TTN: variants seen among roughly 807,000 people sequenced by gnomAD.
The protein encoded by TTN is connectin.
Under a neutral mutation model 3,223.0 loss-of-function variants are expected in TTN, and 1,525 were observed. The observed-to-expected ratio is 0.47, with a 90% CI of 0.45 to 0.49. The LOEUF (loss-of-function observed/expected upper bound fraction) is 0.49. Ranked by LOEUF, TTN falls within the 20% of genes least tolerant of loss-of-function variation. TTN has a pLI of 0.00. For missense variants in TTN, 40,786 were observed against 43,424.0 expected (o/e 0.94, Z 5.40); for synonymous variants, 14,094 against 15,161.0 (o/e 0.93, Z 5.17).
chr2:178,751,757 A>G, intron 47 of TTN: 1 of 1,613,210 alleles, frequency 6.2e-7, no homozygotes, highest in African/African-American at 1.3e-5. Context: ...AATCCGACGA[A>G]GACCTGTTGG....
chr2:178,702,662 A>C lies in TTN; in HGVS notation c.30225T>G (p.Ala10075=). ...TGCGCTTTGTAAACTGAATTGGTTCAGCTGTTTAAGTACAAAGAGGGTTCA... is the reference window on the plus strand; with the variant it reads ...TGCGCTTTGTAAACTGAATTGGTTCCGCTGTTTAAGTACAAAGAGGGTTCA... The part of the protein sequence containing the change: ...LETSAELRIE[A]EPIQFTKRIQ... The change falls in exon 107 of 363, where the codon GCT becomes GCG. Residue 10075 remains alanine, a splice_region_variant and synonymous_variant. Transcript: ENST00000589042. The C allele has an allele frequency of 6.2e-7, 1 of 1,612,106 alleles. No individual in the cohort carries two copies. Among genetic ancestry groups the C allele is most frequent in the Non-Finnish European group, 8.5e-7 (1 of 1,178,348 alleles).
Position 178,568,407 on chromosome 2 carries a change from T to G in TTN, c.77725A>C (p.Thr25909Pro). ...KFDDVSAESI[T>P]LSWNPPLYTG... is the part of the protein sequence containing the mutation. ...TATAATGGAGGGTTCCAAGATAATG[T>G]AATACTTTCAGCACTGACGTCATCA... The change falls in exon 326 of 363, where the codon ACA becomes CCA. Residue 25909 changes from threonine (T) to proline (P), a missense_variant. By Grantham distance (38) the Thr-to-Pro change is conservative. Transcript: ENST00000589042. 2 of 1,613,188 alleles carry G rather than the reference T, an allele frequency of 1.2e-6. No homozygotes were observed. Among genetic ancestry groups the G allele is most frequent in the Non-Finnish European group, 1.7e-6 (2 of 1,179,534 alleles).
Position 178,595,374 on chromosome 2 carries a change from A to G in TTN, c.57847+133T>C, listed in dbSNP as rs966315665. On this transcript the variant is annotated intron_variant, in intron 295 of 362. Coordinates refer to ENST00000589042, the MANE Select transcript of TTN (RefSeq NM_001267550.2). Reference sequence around the variant, plus strand: ...CTGTCCAAATACTACCAAATCAGATACTGAGTAGTTGTGTGATAACTGCTT... The same window carrying G: ...CTGTCCAAATACTACCAAATCAGATGCTGAGTAGTTGTGTGATAACTGCTT... 5.2e-6 allele frequency: 4 copies of G among 773,482 alleles called. No homozygotes were observed. The African/African-American group carries it at 7.1e-5, about 14-fold the overall frequency. 47.9% of individuals were successfully genotyped at this position (773,482 alleles called of 1,614,324 possible).
rs1709593893 is a variant in TTN at position 178,575,145 on chromosome 2, G to C, written c.70987C>G (p.Pro23663Ala). 3.7e-6 allele frequency: 6 copies of C among 1,612,606 alleles called. No homozygotes were observed. Among genetic ancestry groups the C allele is most frequent in the African/African-American group, 2.7e-5 (2 of 74,862 alleles). ...TCTCCTTTTTTCCATGTCACTGTGG[G>C]CTTCGGTCGACCGAGCACTGGAATT... Reference protein sequence around the residue: ...VEIPVLGRPKPTVTWKKGDQI... With the variant: ...VEIPVLGRPKATVTWKKGDQI... Residue 23663 changes from proline (P) to alanine (A), a missense_variant, in exon 326 of 363, where the codon CCC (proline) becomes GCC (alanine). By Grantham distance (27) the Pro-to-Ala change is conservative. Coordinates refer to ENST00000589042, the MANE Select transcript of TTN (RefSeq NM_001267550.2). This position sits in a 1 kb window ranked among gnomAD's most constrained non-coding sequence, Gnocchi z 4.0.
Position 178,694,660 on chromosome 2 carries a change from C to T in TTN, c.31365G>A (p.Lys10455=), listed in dbSNP as rs762392446. The change falls in exon 117 of 363, where the codon AAG becomes AAA. Residue 10455 remains lysine (K), a synonymous_variant. Transcript: ENST00000589042. Reference sequence around the variant, plus strand: ...GGGAAGGTTTTTGTGGAACAATCTTCTTTGAAACTTCAGGTACTTTAAAAA... The same window carrying T: ...GGGAAGGTTTTTGTGGAACAATCTTTTTTGAAACTTCAGGTACTTTAAAAA... ...VQVTKVPEVS[K]KIVPQKPSRT... 23 of 1,554,126 alleles carry T rather than the reference C, an allele frequency of 1.5e-5. No individual in the cohort carries two copies. The highest frequency in any genetic ancestry group is 2.0e-5 in the Non-Finnish European group (23 of 1,148,122).
In TTN at chr2:178,593,317, C is replaced by G; in HGVS notation, c.58891G>C (p.Asp19631His). 1.2e-6 allele frequency: 2 copies of G among 1,613,300 alleles called. No individual in the cohort carries two copies. The highest frequency in any genetic ancestry group is 1.7e-6 in the Non-Finnish European group (2 of 1,179,548). ...MSKRWARVTK[D>H]PIHPYTKFRV... ...AATTTAGTGTATGGATGAATAGGAT[C>G]TTTGGTAACTCTAGCCCATCGTTTA... The change falls in exon 299 of 363, where the codon GAT becomes CAT. Residue 19631 changes from aspartate (D) to histidine (H), a missense_variant. Coordinates refer to ENST00000589042, the MANE Select transcript of TTN (RefSeq NM_001267550.2).
rs2062538175 is a variant in TTN at position 178,649,312 on chromosome 2, T to C, written c.39993A>G (p.Lys13331=). 1 of 1,469,702 alleles carries C rather than the reference T, an allele frequency of 6.8e-7. No individual in the cohort carries two copies. Among genetic ancestry groups the C allele is most frequent in the Non-Finnish European group, 8.9e-7 (1 of 1,118,530 alleles). 91.0% of individuals were successfully genotyped at this position (1,469,702 alleles called of 1,614,324 possible). A position where few individuals can be genotyped will look rare whatever the true frequency, so the allele number is the denominator to read the frequency against. Residue 13331 remains lysine, a synonymous_variant, in exon 213 of 363, where the codon AAA becomes AAG. Transcript: ENST00000589042. ...PAAKVPEVPK[K]LVPVKKEPVP... ...CAGGTTCTTTCTTTACTGGAACAAG[T>C]TTCTTGGGCACCTCAGGCACTTTGA...
intron 6 of TTN, 156 bp downstream of exon 6, chr2:178,799,331 G>A (rs779618526): frequency 7.6e-6 from 9 of 1,181,776 alleles, no homozygotes; most frequent in Non-Finnish European, 1.1e-5. Context: ...CAACCTGCCC[G>A]TTTGTATGCT....
At chr2:178,594,266 A>T in intron 296 of TTN, 24 bp from the exon 297 acceptor site, 2 of 1,598,964 alleles carry the variant, frequency 1.3e-6, no homozygotes, top group Non-Finnish European at 1.7e-6. Context: ...TTATAAAGGC[A>T]AGTCATTTTT....
rs373423993 is a variant in TTN, at chr2:178,608,679, A to C, written c.52332T>G (p.Arg17444=). ...KLIEGKEYLF[R]VRAENRFGPG... is the part of the protein sequence containing the mutation. The stretch of plus-strand genomic sequence containing the variant: ...GCCCAAATCTGTTTTCAGCTCTTAC[A>C]CGGAAGAGGTACTCTTTTCCTTCAA... The change falls in exon 274 of 363, where the codon CGT becomes CGG. Residue 17444 remains arginine, a synonymous_variant. Transcript: ENST00000589042. 17 of 1,612,076 alleles carry C rather than the reference A, an allele frequency of 1.1e-5. No homozygotes were observed. The highest frequency in any genetic ancestry group is 2.7e-5 in the African/African-American group (2 of 74,830).
rs1257617585 is a variant in TTN at position 178,771,313 on chromosome 2, G to C, written c.8014C>G (p.His2672Asp). 1 of 1,614,054 alleles carries C rather than the reference G, an allele frequency of 6.2e-7. No individual in the cohort carries two copies. Among genetic ancestry groups the C allele is most frequent in the Non-Finnish European group, 8.5e-7 (1 of 1,179,990 alleles). ...GCAGCAATGATAAGTCTCCTTTTGT[G>C]GCCATCAGACTCACTTCTGATGTTG... The part of the protein sequence containing the change: ...TNNIRSESDG[H>D]KRRLIIAATK... The change falls in exon 34 of 363, where the codon CAC (histidine) becomes GAC (aspartate). Residue 2672 changes from histidine (H) to aspartate (D), a missense_variant. His to Asp is a moderately conservative substitution (Grantham distance 81, BLOSUM62 -1). Coordinates refer to ENST00000589042, the MANE Select transcript of TTN (RefSeq NM_001267550.2).
At chr2:178,630,130 T>C in intron 239 of TTN, 111 bp downstream of exon 239, 1 of 1,457,374 alleles carries the variant, frequency 6.9e-7, no homozygotes, top group Non-Finnish European at 9.4e-7. Flanking sequence ...AGCCAGTTTT[T>C]GTGTTTTAAT....
intron 9 of TTN, 68 bp from the exon 10 acceptor site, chr2:178,792,265 A>C (rs2093549622): frequency 6.8e-7 from 1 of 1,472,232 alleles, no homozygotes; most frequent in Non-Finnish European, 9.2e-7. Flanking sequence ...GTGTTTATTA[A>C]ATATAACAAC....
Position 178,756,462 on chromosome 2 carries a change from T to G in TTN, c.11014A>C (p.Lys3672Gln), listed in dbSNP as rs781663025. Residue 3672 changes from lysine to glutamine, a missense_variant, in exon 46 of 363, where the codon AAG (lysine) becomes CAG (glutamine). Physicochemically the swap from Lys to Gln is moderately conservative, Grantham distance 53 (BLOSUM62 1). Transcript: ENST00000589042. ...IFLHLQDVTV[K>Q]CGDTAQFLCV... ...AGGAATTGAGCCGTGTCACCGCACTTTACAGTGACGTCCTGAAGATGCAGG... is the reference window on the plus strand; with the variant it reads ...AGGAATTGAGCCGTGTCACCGCACTGTACAGTGACGTCCTGAAGATGCAGG... 6.2e-7 allele frequency: 1 copy of G among 1,613,798 alleles called. No individual in the cohort carries two copies. Among genetic ancestry groups the G allele is most frequent in the Admixed American group, 1.7e-5 (1 of 59,996 alleles).
At position 178,651,258 on chromosome 2, in the gene TTN, C is replaced by T. The variant is rs1380684405; in HGVS notation, c.39610G>A (p.Val13204Ile). 3 of 1,613,184 alleles carry T rather than the reference C, an allele frequency of 1.9e-6. No individual in the cohort carries two copies. Among genetic ancestry groups the T allele is most frequent in the Non-Finnish European group, 2.5e-6 (3 of 1,179,420 alleles). Residue 13204 changes from valine to isoleucine, a missense_variant, in exon 208 of 363, where the codon GTC becomes ATC. Physicochemically the swap from Val to Ile is conservative, Grantham distance 29. Coordinates refer to ENST00000589042, the MANE Select transcript of TTN (RefSeq NM_001267550.2). Reference sequence around the variant, plus strand: ...TGACATGTACCTTTTGCTGGTGGGACTTCTGGCTTTTTGGGAACAGCTACT... The same window carrying T: ...TGACATGTACCTTTTGCTGGTGGGATTTCTGGCTTTTTGGGAACAGCTACT... ...KKVAVPKKPE[V>I]PPAKVPEVPK...
chr2:178,580,883 A>G (rs1168348869), intron 316 of TTN: 1 of 353,004 alleles, frequency 2.8e-6, no homozygotes, highest in Non-Finnish European at 5.0e-6. Flanking sequence ...AATGCTACAT[A>G]TATTAAAAGG....
chr2:178,673,745 G>A (rs1344795486), intron 151 of TTN, 35 bp from the exon 152 acceptor site: 1 of 1,511,658 alleles, frequency 6.6e-7, no homozygotes, highest in Non-Finnish European at 9.1e-7. Context: ...TTGAAAAGTG[G>A]CATGTGATGA....
rs532434898 is a variant in TTN, at chr2:178,755,826, C to A, written c.11254+396G>T. Among the ~76,000 whole-genome samples the A allele has an allele frequency of 2.5e-3, 387 of 152,212 alleles. 2 individuals carry two copies. Among genetic ancestry groups the A allele is most frequent in the African/African-American group, 8.8e-3 (366 of 41,526 alleles). Reference sequence around the variant, plus strand: ...TAAAGAGGAGATAAGAATTGTTGAACCTCTTGCTATTAAAACAATTAAACT... The same window carrying A: ...TAAAGAGGAGATAAGAATTGTTGAAACTCTTGCTATTAAAACAATTAAACT... On this transcript the variant is annotated intron_variant, in intron 46 of 362. Transcript: ENST00000589042.
rs1308116861 is a variant in TTN, at chr2:178,574,884, G to T, written c.71248C>A (p.Pro23750Thr). 6.2e-7 allele frequency: 1 copy of T among 1,612,756 alleles called. No homozygotes were observed. The highest frequency in any genetic ancestry group is 8.5e-7 in the Non-Finnish European group (1 of 1,179,428). ...SSDFVTFSWD[P>T]PENDGGVPIS... is the part of the protein sequence containing the mutation. ...GGTACACCACCATCGTTCTCAGGTG[G>T]GTCCCAAGAGAAGGTTACAAAATCA... The change falls in exon 326 of 363, where the codon CCA (proline) becomes ACA (threonine). Residue 23750 changes from proline (P) to threonine (T), a missense_variant. Physicochemically the swap from Pro to Thr is conservative, Grantham distance 38 (BLOSUM62 -1). Coordinates refer to ENST00000589042, the MANE Select transcript of TTN (RefSeq NM_001267550.2).
Sources: gnomAD v4.1 joint callset for allele counts (sites outside exome capture counted in the v4.1 genomes callset) on GRCh38, gnomAD v4.1.1 for gene constraint, Gnocchi (gnomAD v3.1) non-coding constraint, MANE v1.5 for transcripts, NCBI Gene and HGNC (gene_info 2026-07-23, HGNC 2026-07-21) for gene names.